CCSER1: variants seen among roughly 807,000 people sequenced by gnomAD.
CCSER1 encodes coiled-coil serine rich protein 1.
In CCSER1, 41 loss-of-function variants were observed where a neutral mutation model predicts 82.0. The ratio of observed to expected loss-of-function variants is 0.50; its 90% confidence interval spans 0.39 to 0.65. CCSER1 has a LOEUF of 0.65. CCSER1 is among the 30% of genes least tolerant of loss of function. CCSER1 has a pLI of 0.00. For missense variants in CCSER1, 1,119 were observed against 1,064.2 expected, an observed-to-expected ratio of 1.05 and a Z score of -0.72; for synonymous variants, 414 against 383.9, an observed-to-expected ratio of 1.08 and a Z score of -0.92.
intron 10 of CCSER1, among the ~76,000 whole-genome samples, chr4:91,273,286 G>A (rs1464468294): frequency 6.6e-6 from 1 of 152,072 alleles, no homozygotes; most frequent in Non-Finnish European, 1.5e-5. Context: ...GCAGTGTTTT[G>A]TAGTTTTCCT....
chr4:91,357,330 A>T (rs1748913586), intron 10 of CCSER1, among the ~76,000 whole-genome samples: 1 of 152,120 alleles, frequency 6.6e-6, no homozygotes, highest in Non-Finnish European at 1.5e-5. Context: ...TTCATGTTTG[A>T]CCATAAGGTA....
Position 90,640,640 on chromosome 4 carries a change from A to G in CCSER1, c.1932+12408A>G, listed in dbSNP as rs532836075. Among the ~76,000 whole-genome samples, 187 of 152,256 alleles carry G rather than the reference A, an allele frequency of 1.2e-3. 1 individual carries two copies. The Middle Eastern group carries it at 0.017, about 14-fold the overall frequency. ...CCCCATAATCCCCAGATGTCAAGGGAGAGACCATGTGGAGGTAATTGAATC... is the reference window on the plus strand; with the variant it reads ...CCCCATAATCCCCAGATGTCAAGGGGGAGACCATGTGGAGGTAATTGAATC... On this transcript the variant is annotated intron_variant, in intron 6 of 10. Transcript: ENST00000509176.
intron 10 of CCSER1, among the ~76,000 whole-genome samples, chr4:91,493,712 A>G (rs1229200175): frequency 6.6e-6 from 1 of 151,710 alleles, no homozygotes; most frequent in Non-Finnish European, 1.5e-5. Context: ...TTAATTCACT[A>G]TGAATTATAA....
intron 10 of CCSER1, among the ~76,000 whole-genome samples, chr4:91,440,423 C>A (rs1176477230): frequency 6.6e-6 from 1 of 152,010 alleles, no homozygotes; most frequent in Non-Finnish European, 1.5e-5. Flanking sequence ...CCAATGAGAA[C>A]AAAGAAAGAT....
chr4:91,413,464 A>T (rs76763972), intron 10 of CCSER1, among the ~76,000 whole-genome samples: 19,456 of 151,866 alleles, frequency 0.13, 1,399 homozygotes, highest in Middle Eastern at 0.19. Context: ...TGTCTCTCAA[A>T]AAAAGAAAAT....
chr4:91,469,923 A>G (rs892575222), intron 10 of CCSER1, among the ~76,000 whole-genome samples: 4 of 152,208 alleles, frequency 2.6e-5, no homozygotes, highest in African/African-American at 7.2e-5. Context: ...TTCATAAGCT[A>G]TGAAACTCCA....
intron 6 of CCSER1, among the ~76,000 whole-genome samples, chr4:90,685,641 A>G (rs1046394094): frequency 6.6e-6 from 1 of 152,170 alleles, no homozygotes; most frequent in Non-Finnish European, 1.5e-5. Flanking sequence ...AGTCCTTTCC[A>G]TCAATTTAGA....
intron 7 of CCSER1, among the ~76,000 whole-genome samples, chr4:90,751,140 A>T (rs1157401986): frequency 1.3e-5 from 2 of 152,136 alleles, no homozygotes; most frequent in East Asian, 3.8e-4. Flanking sequence ...CCTTCAGCCA[A>T]ATATAAACTA....
chr4:91,307,283 A>G (rs1475031552), intron 10 of CCSER1, among the ~76,000 whole-genome samples: 1 of 151,958 alleles, frequency 6.6e-6, no homozygotes, highest in East Asian at 1.9e-4. Context: ...GATTCTGAAC[A>G]GATCTAATAT....
chr4:90,353,229 G>A (rs1743810286), intron 3 of CCSER1, among the ~76,000 whole-genome samples: 1 of 151,910 alleles, frequency 6.6e-6, no homozygotes, highest in Non-Finnish European at 1.5e-5. Flanking sequence ...AAAGAACCTG[G>A]GATTTGAAGT....
chr4:91,599,182 G>T lies in CCSER1; in HGVS notation c.*125G>T. ...AGTTATAAACAGAGTTGTGTTGTTG[G>T]GTTTTTTTTCTTAGTCATAAACAAA... is the stretch of plus-strand genomic sequence containing the variant. On this transcript the variant is annotated 3_prime_UTR_variant, in exon 11 of 11. Coordinates refer to ENST00000509176, the MANE Select transcript of CCSER1 (RefSeq NM_001145065.2). 5 of 1,242,362 alleles carry T rather than the reference G, an allele frequency of 4.0e-6. No individual in the cohort carries two copies. Among genetic ancestry groups the T allele is most frequent in the South Asian group, 4.1e-5 (2 of 48,464 alleles). 77.0% of individuals were successfully genotyped at this position (1,242,362 alleles called of 1,614,324 possible). A position where few individuals can be genotyped will look rare whatever the true frequency, so the allele number is the denominator to read the frequency against.
At chr4:90,906,942 C>T (rs72665414) in intron 8 of CCSER1, among the ~76,000 whole-genome samples, 43,304 of 151,870 alleles carry the variant, frequency 0.29, 6,576 homozygotes, top group Non-Finnish European at 0.32. Flanking sequence ...TGTATGTGTG[C>T]GTGTGCACAT....
chr4:91,506,428 G>C lies in CCSER1; in HGVS notation c.2218-92144G>C, dbSNP rs909035371. On this transcript the variant is annotated intron_variant, in intron 10 of 10. Coordinates refer to ENST00000509176, the MANE Select transcript of CCSER1 (RefSeq NM_001145065.2). The stretch of plus-strand genomic sequence containing the variant: ...TTGCTTAGGATTGTTTTGGCTATAT[G>C]GGCTATTTTTTGGTTCCATATGAAA... Among the ~76,000 whole-genome samples, 6 of 151,764 alleles carry C rather than the reference G, an allele frequency of 4.0e-5. No homozygotes were observed. The South Asian group carries it at 1.3e-3, about 32-fold the overall frequency.
At chr4:90,778,696 A>G (rs1753302927) in intron 7 of CCSER1, among the ~76,000 whole-genome samples, 1 of 152,100 alleles carries the variant, frequency 6.6e-6, no homozygotes, top group Non-Finnish European at 1.5e-5. Context: ...CATGTGGGAT[A>G]CCATGTTTAA....
intron 1 of CCSER1, among the ~76,000 whole-genome samples, chr4:90,187,849 A>G (rs1378820102): frequency 6.6e-6 from 1 of 151,894 alleles, no homozygotes; most frequent in East Asian, 1.9e-4. Context: ...TTCAAATAAA[A>G]GAGTTAATTT....
At chr4:91,051,092 TAG>T (rs1742969400) in intron 9 of CCSER1, among the ~76,000 whole-genome samples, 1 of 152,170 alleles carries the variant, frequency 6.6e-6, no homozygotes, top group Non-Finnish European at 1.5e-5. Flanking sequence ...CTTCAAGATT[TAG>T]AGGTGTTACT....
intron 9 of CCSER1, among the ~76,000 whole-genome samples, chr4:90,939,622 C>T (rs1367336665): frequency 6.6e-6 from 1 of 152,116 alleles, no homozygotes; most frequent in Non-Finnish European, 1.5e-5. Context: ...GCAGGTTTTA[C>T]TGAGAGTTCT....
At chr4:90,518,110 A>G (rs1772535950) in intron 5 of CCSER1, among the ~76,000 whole-genome samples, 1 of 152,100 alleles carries the variant, frequency 6.6e-6, no homozygotes, top group African/African-American at 2.4e-5. Flanking sequence ...TGTTTTCCAG[A>G]GTTAGTTGGA....
At chr4:90,525,135 CTCA>C (rs1773596288) in intron 5 of CCSER1, among the ~76,000 whole-genome samples, 1 of 151,710 alleles carries the variant, frequency 6.6e-6, no homozygotes, top group Non-Finnish European at 1.5e-5. Context: ...AAAAGCAAAT[CTCA>C]TCAGAGGCAA....
Sources: allele counts gnomAD v4.1 joint callset (sites outside exome capture counted in the v4.1 genomes callset), GRCh38; gene constraint gnomAD v4.1.1; transcripts MANE v1.5; gene names NCBI Gene and HGNC (gene_info 2026-07-23, HGNC 2026-07-21).